RELN: variants seen among roughly 807,000 people sequenced by gnomAD.
The protein encoded by RELN is reelin.
A neutral mutation model predicts 427.6 loss-of-function variants in RELN; 108 were observed. The observed-to-expected ratio is 0.25, with a 90% confidence interval of 0.22 to 0.30. RELN has a LOEUF of 0.30. Among genes scored for constraint, RELN ranks in the 10% least tolerant of loss-of-function variants. The pLI, the probability that RELN is intolerant of heterozygous loss-of-function variation, is 1.00. For missense variants in RELN, 3,715 were observed against 4,302.8 expected (o/e 0.86, Z 3.82); for synonymous variants, 1,524 against 1,513.4 (o/e 1.01, Z -0.16).
chr7:103,923,538 T>C (rs941164481), intron 1 of RELN, among the ~76,000 whole-genome samples: 3 of 152,134 alleles, frequency 2.0e-5, no homozygotes, highest in Non-Finnish European at 4.4e-5. Flanking sequence ...CATGAATCCA[T>C]AGAAATGAAA....
At chr7:103,930,448 G>A (rs1795837343) in intron 1 of RELN, among the ~76,000 whole-genome samples, 1 of 151,852 alleles carries the variant, frequency 6.6e-6, no homozygotes, top group South Asian at 2.1e-4. Flanking sequence ...GGGGGGTGTG[G>A]ACAGTTCAGC....
intron 20 of RELN, among the ~76,000 whole-genome samples, chr7:103,617,588 CAT>C (rs761790013): frequency 3.3e-5 from 5 of 149,286 alleles, no homozygotes; most frequent in African/African-American, 1.0e-4. Context: ...ATATTCCTTT[CAT>C]ATATATATAT....
At chr7:103,576,956 A>G (rs547112697) in intron 28 of RELN, among the ~76,000 whole-genome samples, 2 of 151,642 alleles carry the variant, frequency 1.3e-5, no homozygotes, top group South Asian at 2.1e-4. Flanking sequence ...GCACACACGC[A>G]CACACACACA....
At position 103,558,053 on chromosome 7, in the gene RELN, A is replaced by G; in HGVS notation, c.5530-4T>C. The G allele has an allele frequency of 6.9e-6, 10 of 1,458,236 alleles. No individual in the cohort carries two copies. Among genetic ancestry groups the G allele is most frequent in the Non-Finnish European group, 9.6e-6 (10 of 1,038,616 alleles). 90.3% of individuals were successfully genotyped at this position (1,458,236 alleles called of 1,614,324 possible). On this transcript the variant is annotated splice_region_variant and splice_polypyrimidine_tract_variant and intron_variant, in intron 36 of 64. Coordinates refer to ENST00000428762, the MANE Select transcript of RELN (RefSeq NM_005045.4). ...AAATAAGCATCCTTAGTCCTTCCTG[A>G]AAATAAAAACATATACGTTAAGCAA...
chr7:103,489,314 G>T (rs1311758151), intron 60 of RELN, among the ~76,000 whole-genome samples: 1 of 151,962 alleles, frequency 6.6e-6, no homozygotes, highest in African/African-American at 2.4e-5. Flanking sequence ...GCTGGAAGAG[G>T]CTGAGGAAGG....
chr7:103,553,748 A>G lies in RELN; in HGVS notation c.5881T>C (p.Phe1961Leu). ...VNNPVMLLDT[F>L]DFGPREDNWF... ...TTGTCTTCTCTGGGCCCAAAATCAAATGTATCCAAGAGCATCACAGGGTTG... is the reference window on the plus strand; with the variant it reads ...TTGTCTTCTCTGGGCCCAAAATCAAGTGTATCCAAGAGCATCACAGGGTTG... Residue 1961 changes from phenylalanine to leucine, a missense_variant, in exon 39 of 65, where the codon TTT becomes CTT. This residue lies in a region of RELN where 1,310 missense variants were observed against 1,643.0 expected (regional missense o/e 0.80). Transcript: ENST00000428762. The G allele has an allele frequency of 6.2e-7, 1 of 1,614,010 alleles. No homozygotes were observed. Among genetic ancestry groups the G allele is most frequent in the Non-Finnish European group, 8.5e-7 (1 of 1,179,862 alleles).
Position 103,989,507 on chromosome 7 carries a change from C to T in RELN, c.-151G>A. 1 of 615,708 alleles carries T rather than the reference C, an allele frequency of 1.6e-6. No individual in the cohort carries two copies. Among genetic ancestry groups the T allele is most frequent in the East Asian group, 3.7e-5 (1 of 27,160 alleles). The allele number at this position is 615,708 out of a possible 1,614,324, so 38.1% of individuals were successfully genotyped here. On this transcript the variant is annotated 5_prime_UTR_variant, in exon 1 of 65. Transcript: ENST00000428762. The surrounding 1 kb of genome is among the most constrained non-coding windows in gnomAD (Gnocchi z 4.9). ...CTCGGGAGCGGGCCTGGGAGCGGGC[C>T]CCCGCCGAGAAGTTCCGCGGGAGAC...
intron 3 of RELN, among the ~76,000 whole-genome samples, chr7:103,811,956 G>A (rs1282348485): frequency 6.6e-6 from 1 of 152,176 alleles, no homozygotes; most frequent in Non-Finnish European, 1.5e-5. Context: ...TAAGCTAATA[G>A]CATTTCTATA....
intron 12 of RELN, among the ~76,000 whole-genome samples, chr7:103,660,970 T>C (rs1357308052): frequency 5.3e-5 from 8 of 152,194 alleles, no homozygotes; most frequent in Non-Finnish European, 1.2e-4. Context: ...TTTCTCAGCT[T>C]CCTACTACAA....
Position 103,753,223 on chromosome 7 carries a change from A to G in RELN, c.545-9T>C. On this transcript the variant is annotated splice_polypyrimidine_tract_variant and intron_variant, in intron 4 of 64. Coordinates refer to ENST00000428762, the MANE Select transcript of RELN (RefSeq NM_005045.4). Reference sequence around the variant, plus strand: ...AGTGACATCTGTTGGAGCTGAATCAAGAGAGGAAAGAAGAAAGACAACTGA... The same window carrying G: ...AGTGACATCTGTTGGAGCTGAATCAGGAGAGGAAAGAAGAAAGACAACTGA... 1 of 1,614,036 alleles carries G rather than the reference A, an allele frequency of 6.2e-7. No individual in the cohort carries two copies. Among genetic ancestry groups the G allele is most frequent in the Non-Finnish European group, 8.5e-7 (1 of 1,179,950 alleles).
At chr7:103,613,798 C>T (rs1280720016) in intron 20 of RELN, among the ~76,000 whole-genome samples, 1 of 152,196 alleles carries the variant, frequency 6.6e-6, no homozygotes, top group Admixed American at 6.5e-5. Context: ...ACAGAGCCAA[C>T]AATGCTTTCT....
At position 103,561,678 on chromosome 7, in the gene RELN, C is replaced by A; in HGVS notation, c.5383G>T (p.Val1795Phe). ...ATCGAGGGCAGAGGAACAACAGGAA[C>A]ACAATAGGGTCCACCAAAGCCCCGG... ...CDRGFGGPYC[V>F]PVVPLPSILK... Residue 1795 changes from valine (V) to phenylalanine (F), a missense_variant, in exon 36 of 65, where the codon GTT (valine) becomes TTT (phenylalanine). By Grantham distance (50) the Val-to-Phe change is conservative. This residue lies in a region of RELN where 2,208 missense variants were observed against 2,361.7 expected (regional missense o/e 0.93). Transcript: ENST00000428762. 2 of 1,613,930 alleles carry A rather than the reference C, an allele frequency of 1.2e-6. No individual in the cohort carries two copies. Among genetic ancestry groups the A allele is most frequent in the Non-Finnish European group, 1.7e-6 (2 of 1,179,958 alleles).
intron 3 of RELN, among the ~76,000 whole-genome samples, chr7:103,826,894 C>A (rs1212239525): frequency 6.6e-6 from 1 of 151,890 alleles, no homozygotes. Context: ...TAATAAGGAA[C>A]ACCTTGTGGA....
intron 6 of RELN, among the ~76,000 whole-genome samples, chr7:103,742,441 G>A (rs935805388): frequency 6.6e-6 from 1 of 152,306 alleles, no homozygotes; most frequent in East Asian, 1.9e-4. Flanking sequence ...GTTGACAGAA[G>A]AAGGCTTCAG....
chr7:103,512,062 A>C (rs1316216230), intron 50 of RELN, among the ~76,000 whole-genome samples: 5 of 152,170 alleles, frequency 3.3e-5, no homozygotes, highest in Non-Finnish European at 7.3e-5. Context: ...TCAGTGCACA[A>C]TATAATCCTG....
At chr7:103,956,722 T>C (rs982174517) in intron 1 of RELN, among the ~76,000 whole-genome samples, 2 of 152,142 alleles carry the variant, frequency 1.3e-5, no homozygotes, top group Non-Finnish European at 2.9e-5. Context: ...GAAATTTCAA[T>C]GTAGACTTGA....
At chr7:103,710,230 A>C (rs894450546) in intron 8 of RELN, among the ~76,000 whole-genome samples, 13 of 152,112 alleles carry the variant, frequency 8.5e-5, no homozygotes, top group Non-Finnish European at 1.3e-4. Flanking sequence ...GTTGGTTAAG[A>C]TCCTGTCTCC....
chr7:103,983,896 T>C (rs957275356), intron 1 of RELN, among the ~76,000 whole-genome samples: 1 of 151,138 alleles, frequency 6.6e-6, no homozygotes, highest in Non-Finnish European at 1.5e-5. Flanking sequence ...TGTGTGTGTG[T>C]ATGTCTTTTA....
At chr7:103,704,947 A>G (rs187425310) in intron 8 of RELN, among the ~76,000 whole-genome samples, 1 of 152,206 alleles carries the variant, frequency 6.6e-6, no homozygotes, top group African/African-American at 2.4e-5. Context: ...AGGTTATGTG[A>G]CTTTGCAGCA....
Sources: allele counts gnomAD v4.1 joint callset (sites outside exome capture counted in the v4.1 genomes callset), GRCh38; gene constraint gnomAD v4.1.1; regional missense constraint gnomAD v4.1.1; non-coding constraint Gnocchi (gnomAD v3.1); transcripts MANE v1.5; gene names NCBI Gene and HGNC (gene_info 2026-07-23, HGNC 2026-07-21).